Variants in ZNF384 observed in about 807,000 individuals in gnomAD.
The protein encoded by ZNF384 is CAG repeat protein 1.
ZNF384 carries 20 observed loss-of-function variants against 65.0 expected under a neutral mutation model. That is an observed-to-expected ratio of 0.31 (90% CI 0.22 to 0.45). The LOEUF is 0.45. ZNF384 is among the 20% of genes least tolerant of loss of function. The probability of loss-of-function intolerance (pLI) is 1.00; values close to 1 mark genes in which losing one functional copy is unlikely to be tolerated. For synonymous variants in ZNF384, 310 were observed against 303.9 expected, an observed-to-expected ratio of 1.02 and a Z score of -0.21; for missense variants, 549 against 769.4, an observed-to-expected ratio of 0.71 and a Z score of 3.39.
chr12:6,683,383 A>C (rs1273129583), intron 2 of ZNF384, among the ~76,000 whole-genome samples: 5 of 151,992 alleles, frequency 3.3e-5, no homozygotes, highest in African/African-American at 1.2e-4. Flanking sequence ...TTCCCAAAAG[A>C]ATCAAGGAAG....
At chr12:6,683,627 A>G (rs2137239984) in intron 2 of ZNF384, among the ~76,000 whole-genome samples, 2 of 149,832 alleles carry the variant, frequency 1.3e-5, no homozygotes, top group Admixed American at 1.3e-4. Flanking sequence ...GCACCACCAC[A>G]GTCCAGCCTG....
In ZNF384 at chr12:6,673,348, T is replaced by C; in HGVS notation, c.872A>G (p.His291Arg). 6.2e-7 allele frequency: 1 copy of C among 1,613,554 alleles called. No individual in the cohort carries two copies. Among genetic ancestry groups the C allele is most frequent in the Non-Finnish European group, 8.5e-7 (1 of 1,179,922 alleles). ...GCTGTTGGCGAAGGTCTTGGAGCAA[T>C]GTGGGCACTTGTGGGGCTTGGTCTC... ...HTETKPHKCP[H>R]CSKTFANSSY... Residue 291 changes from histidine to arginine, a missense_variant, in exon 8 of 12, where the codon CAT becomes CGT. This residue lies in a region of ZNF384 where 39 missense variants were observed against 85.8 expected (regional missense o/e 0.45). Transcript: ENST00000683879. The surrounding 1 kb of genome is among the most constrained non-coding windows in gnomAD (Gnocchi z 4.7).
chr12:6,669,023 G>A lies in ZNF384; in HGVS notation c.1425+8C>T, dbSNP rs371194079. 3 of 1,596,056 alleles carry A rather than the reference G, an allele frequency of 1.9e-6. No individual in the cohort carries two copies. Among genetic ancestry groups the A allele is most frequent in the East Asian group, 4.5e-5 (2 of 44,134 alleles). ...TATGAGGAAGGAGAGAAGAAACGGAGCACTCACTGATGTGTATGCCCGACT... is the reference window on the plus strand; with the variant it reads ...TATGAGGAAGGAGAGAAGAAACGGAACACTCACTGATGTGTATGCCCGACT... On this transcript the variant is annotated splice_region_variant and intron_variant, in intron 11 of 11. Transcript: ENST00000683879.
rs577307122 is a variant in ZNF384 at position 6,668,969 on chromosome 12, G to A, written c.1425+62C>T. On this transcript the variant is annotated intron_variant, in intron 11 of 11. Coordinates refer to ENST00000683879, the MANE Select transcript of ZNF384 (RefSeq NM_001385745.1). ...GCAACAGATCTCTACCCAGAAAATGGGGTGAAGTGGACTGTACTCTTAGAG... is the reference window on the plus strand; with the variant it reads ...GCAACAGATCTCTACCCAGAAAATGAGGTGAAGTGGACTGTACTCTTAGAG... The A allele has an allele frequency of 2.7e-6, 4 of 1,503,710 alleles. No individual in the cohort carries two copies. The South Asian group carries it at 5.2e-5, about 20-fold the overall frequency. 93.1% of individuals were successfully genotyped at this position (1,503,710 alleles called of 1,614,324 possible).
At chr12:6,679,212 C>T (rs1565438499) in intron 3 of ZNF384, 29 bp from the exon 4 acceptor site, 6 of 1,533,788 alleles carry the variant, frequency 3.9e-6, no homozygotes, top group Non-Finnish European at 4.4e-6. Context: ...GACGGGAGCA[C>T]CCTCTTCAGC....
In ZNF384 at chr12:6,673,701, T is replaced by C. The variant is rs965363867; in HGVS notation, c.780-261A>G. Among the ~76,000 whole-genome samples, 23 of 152,196 alleles carry C rather than the reference T, an allele frequency of 1.5e-4. No individual in the cohort carries two copies. The highest frequency in any genetic ancestry group is 3.1e-4 in the Non-Finnish European group (21 of 68,048). ...TTTCAACCAGATAAAACAGAAACAG[T>C]ATGAACTCTGGGCAGATGCGAATTT... On this transcript the variant is annotated intron_variant, in intron 7 of 11. Coordinates refer to ENST00000683879, the MANE Select transcript of ZNF384 (RefSeq NM_001385745.1). The surrounding 1 kb of genome is among the most constrained non-coding windows in gnomAD (Gnocchi z 4.7).
chr12:6,679,685 G>T (rs903809229), intron 2 of ZNF384, among the ~76,000 whole-genome samples, 160 bp from the exon 3 acceptor site: 1 of 152,152 alleles, frequency 6.6e-6, no homozygotes, highest in Admixed American at 6.5e-5. Flanking sequence ...TAGTCCCTTG[G>T]TCAGAGCCCC....
intron 2 of ZNF384, among the ~76,000 whole-genome samples, chr12:6,685,424 G>A (rs1957549096): frequency 6.6e-6 from 1 of 151,996 alleles, no homozygotes; most frequent in South Asian, 2.1e-4. Context: ...TGAAAATCTG[G>A]GTTCTCATAT....
intron 7 of ZNF384, among the ~76,000 whole-genome samples, chr12:6,675,204 G>T (rs965988354): frequency 6.6e-6 from 1 of 152,154 alleles, no homozygotes; most frequent in African/African-American, 2.4e-5. Flanking sequence ...AAGACACTAG[G>T]TATAATAATG....
intron 7 of ZNF384, among the ~76,000 whole-genome samples, chr12:6,676,215 G>A (rs531030614): frequency 6.6e-6 from 1 of 152,236 alleles, no homozygotes; most frequent in South Asian, 2.1e-4. Flanking sequence ...CACGAGAATC[G>A]CTTGAACCTG....
chr12:6,672,809 G>A lies in ZNF384; in HGVS notation c.1005-277C>T, dbSNP rs1952033406. Reference sequence around the variant, plus strand: ...AAGTAGTCAATCTCATCAACCCTCCGCTTTCTCCTAAGGTTAACACACTCA... The same window carrying A: ...AAGTAGTCAATCTCATCAACCCTCCACTTTCTCCTAAGGTTAACACACTCA... On this transcript the variant is annotated intron_variant, in intron 8 of 11. Transcript: ENST00000683879. The surrounding 1 kb of genome is among the most constrained non-coding windows in gnomAD (Gnocchi z 4.4). Among the ~76,000 whole-genome samples the A allele has an allele frequency of 6.6e-6, 1 of 152,030 alleles. No homozygotes were observed.
At chr12:6,674,426 G>A (rs1339767369) in intron 7 of ZNF384, among the ~76,000 whole-genome samples, 1 of 152,226 alleles carries the variant, frequency 6.6e-6, no homozygotes, top group African/African-American at 2.4e-5. Context: ...AATGGGAGCT[G>A]GTAGAAAAGG....
rs1352189284 is a variant in ZNF384, at chr12:6,677,269, GAAC to G, written c.687-13_687-11del. 1 of 1,309,720 alleles carries G rather than the reference GAAC, an allele frequency of 7.6e-7. No individual in the cohort carries two copies. The highest frequency in any genetic ancestry group is 4.4e-5 in the East Asian group (1 of 22,918). 81.1% of individuals were successfully genotyped at this position (1,309,720 alleles called of 1,614,324 possible). The stretch of plus-strand genomic sequence containing the variant: ...GCAGTTCCCTTCGCTCCTAAAATGG[GAAC>G]AACATTGCCCATCTGGGTACACTAA... On this transcript the variant is annotated splice_polypyrimidine_tract_variant and intron_variant, in intron 6 of 11. Coordinates refer to ENST00000683879, the MANE Select transcript of ZNF384 (RefSeq NM_001385745.1).
In ZNF384 at chr12:6,667,670, C is replaced by A. The variant is rs761314786; in HGVS notation, c.*44G>T. 2 of 1,613,284 alleles carry A rather than the reference C, an allele frequency of 1.2e-6. No individual in the cohort carries two copies. Among genetic ancestry groups the A allele is most frequent in the Non-Finnish European group, 1.7e-6 (2 of 1,179,684 alleles). On this transcript the variant is annotated 3_prime_UTR_variant, in exon 12 of 12. Coordinates refer to ENST00000683879, the MANE Select transcript of ZNF384 (RefSeq NM_001385745.1). ...ACCAAGAGTTGGAGAAAGAAGACAC[C>A]AGGACTACTTCTTCCTCTTCCCAGT...
At chr12:6,685,462 CT>C (rs1466409712) in intron 2 of ZNF384, among the ~76,000 whole-genome samples, 1 of 152,020 alleles carries the variant, frequency 6.6e-6, no homozygotes, top group Admixed American at 6.6e-5. Context: ...CAAGCCTCAA[CT>C]GTTCTGTTAA....
At chr12:6,669,624 A>AG (rs1488842488) in intron 10 of ZNF384, among the ~76,000 whole-genome samples, 1 of 151,904 alleles carries the variant, frequency 6.6e-6, no homozygotes, top group Non-Finnish European at 1.5e-5. Flanking sequence ...CTCAGCCTGC[A>AG]AGTAGCTGGG....
At position 6,678,652 on chromosome 12, in the gene ZNF384, G is replaced by A. The variant is rs756218219; in HGVS notation, c.352+11C>T. 41 of 1,612,248 alleles carry A rather than the reference G, an allele frequency of 2.5e-5. No homozygotes were observed. The highest frequency in any genetic ancestry group is 3.5e-5 in the Non-Finnish European group (41 of 1,179,558). On this transcript the variant is annotated intron_variant, in intron 5 of 11. Transcript: ENST00000683879. This position sits in a 1 kb window ranked among gnomAD's most constrained non-coding sequence, Gnocchi z 4.9. The stretch of plus-strand genomic sequence containing the variant: ...CCTTGTCCCCACCCCCCTGGTAACA[G>A]TGAGATTTACCCCTTGATTGACTCC...
At chr12:6,686,879 C>T (rs944701678) in intron 2 of ZNF384, among the ~76,000 whole-genome samples, 4 of 152,044 alleles carry the variant, frequency 2.6e-5, no homozygotes, top group East Asian at 1.9e-4. Flanking sequence ...CTATAGCCTC[C>T]GGTTTAGAAA....
chr12:6,667,325 G>A lies in ZNF384; in HGVS notation c.*389C>T, dbSNP rs987885953. 1.0e-5 allele frequency: 4 copies of A among 386,772 alleles called. No individual in the cohort carries two copies. Among genetic ancestry groups the A allele is most frequent in the African/African-American group, 2.0e-5 (1 of 50,458 alleles). 24.0% of individuals were successfully genotyped at this position (386,772 alleles called of 1,614,324 possible). A position where few individuals can be genotyped will look rare whatever the true frequency, so the allele number is the denominator to read the frequency against. On this transcript the variant is annotated 3_prime_UTR_variant, in exon 12 of 12. Coordinates refer to ENST00000683879, the MANE Select transcript of ZNF384 (RefSeq NM_001385745.1). ...GCTCCCTTTTCTCTGTTATCTGGGA[G>A]GGCCAGCCTCTAGTCTTACATCAGC...
Sources: allele counts gnomAD v4.1 joint callset (sites outside exome capture counted in the v4.1 genomes callset), GRCh38; gene constraint gnomAD v4.1.1; regional missense constraint gnomAD v4.1.1; non-coding constraint Gnocchi (gnomAD v3.1); transcripts MANE v1.5; gene names NCBI Gene and HGNC (gene_info 2026-07-23, HGNC 2026-07-21).